Variants in SFMBT1 observed in about 807,000 individuals in gnomAD.
SFMBT1 encodes scm-like with four MBT domains protein 1.
Under a neutral mutation model 108.7 loss-of-function variants are expected in SFMBT1, and 32 were observed. That is an observed-to-expected ratio of 0.29 (90% CI 0.22 to 0.40). The LOEUF (loss-of-function observed/expected upper bound fraction) is 0.40, where lower values mean the gene tolerates loss of function less well. SFMBT1 is among the 10% of genes least tolerant of loss of function. The pLI is 1.00. For missense variants in SFMBT1, 816 were observed against 1,059.6 expected, an observed-to-expected ratio of 0.77 and a Z score of 3.19; for synonymous variants, 348 against 369.5, an observed-to-expected ratio of 0.94 and a Z score of 0.67.
chr3:52,933,465 A>C (rs919377701), intron 5 of SFMBT1, among the ~76,000 whole-genome samples: 4 of 152,210 alleles, frequency 2.6e-5, no homozygotes, highest in Non-Finnish European at 5.9e-5. Flanking sequence ...ACACAACCTT[A>C]CATTTTTTTC....
chr3:53,031,694 C>T (rs1463685722), intron 1 of SFMBT1, among the ~76,000 whole-genome samples: 1 of 151,838 alleles, frequency 6.6e-6, no homozygotes, highest in Non-Finnish European at 1.5e-5. Context: ...ACATATTTGC[C>T]AGGTGCTCAG....
At chr3:53,029,830 C>T (rs1699621628) in intron 1 of SFMBT1, among the ~76,000 whole-genome samples, 1 of 151,992 alleles carries the variant, frequency 6.6e-6, no homozygotes, top group Non-Finnish European at 1.5e-5. Context: ...TGGTAGAAGG[C>T]CTCTCCACGA....
intron 1 of SFMBT1, among the ~76,000 whole-genome samples, chr3:53,018,715 A>G (rs1234352327): frequency 6.6e-6 from 1 of 152,332 alleles, no homozygotes; most frequent in East Asian, 1.9e-4. Flanking sequence ...CAGGTCACCA[A>G]TGACCTTCCA....
chr3:52,992,695 C>T (rs2106898570), intron 1 of SFMBT1, among the ~76,000 whole-genome samples: 1 of 152,298 alleles, frequency 6.6e-6, no homozygotes, highest in Middle Eastern at 3.4e-3. Flanking sequence ...GAAGGAAAAA[C>T]TAAGGGAAAT....
intron 10 of SFMBT1, among the ~76,000 whole-genome samples, chr3:52,923,587 C>T (rs1702577388): frequency 6.7e-6 from 1 of 150,216 alleles, no homozygotes; most frequent in Non-Finnish European, 1.5e-5. Context: ...AAAGAACAAA[C>T]GAACGAACTA....
chr3:52,916,582 T>C lies in SFMBT1; in HGVS notation c.1416-368A>G, dbSNP rs1284071522. On this transcript the variant is annotated intron_variant, in intron 13 of 20. Transcript: ENST00000394752. The stretch of plus-strand genomic sequence containing the variant: ...TACTAAGGAGGCTGAGGGAGGAGAA[T>C]GGCGTGAACCCAGGAGGCAGAGCTT... Among the ~76,000 whole-genome samples the C allele has an allele frequency of 2.6e-5, 4 of 151,378 alleles. No individual in the cohort carries two copies. The East Asian group carries it at 7.8e-4, about 29-fold the overall frequency.
chr3:53,006,889 G>A (rs1698763178), intron 1 of SFMBT1, among the ~76,000 whole-genome samples: 1 of 152,210 alleles, frequency 6.6e-6, no homozygotes, highest in South Asian at 2.1e-4. Flanking sequence ...GTGAGGAATT[G>A]CTGCTCCGGG....
chr3:53,013,600 TTATTTA>T (rs1165867871), intron 1 of SFMBT1, among the ~76,000 whole-genome samples: 1 of 149,376 alleles, frequency 6.7e-6, no homozygotes, highest in African/African-American at 2.5e-5. Context: ...GGAACACAGT[TTATTTA>T]TAAAGAATCT....
intron 1 of SFMBT1, among the ~76,000 whole-genome samples, chr3:53,001,929 A>T (rs199685588): frequency 0.12 from 8,755 of 74,920 alleles, 809 homozygotes; most frequent in East Asian, 0.24. Flanking sequence ...AGTCTCTCAC[A>T]CACACACACA....
At chr3:52,977,648 G>A (rs1006092113) in intron 1 of SFMBT1, among the ~76,000 whole-genome samples, 11 of 152,174 alleles carry the variant, frequency 7.2e-5, no homozygotes, top group Non-Finnish European at 1.6e-4. Context: ...GATGAAATAA[G>A]CTTTGGATTT....
chr3:52,925,792 C>T (rs569918664), intron 10 of SFMBT1, among the ~76,000 whole-genome samples: 15 of 152,276 alleles, frequency 9.9e-5, no homozygotes, highest in Admixed American at 5.2e-4. Flanking sequence ...TTCAAATTCA[C>T]GATTTCAGCT....
chr3:53,034,891 A>T (rs1035688192), intron 1 of SFMBT1, among the ~76,000 whole-genome samples: 2 of 152,214 alleles, frequency 1.3e-5, no homozygotes, highest in African/African-American at 4.8e-5. Context: ...ATGAGCCAAG[A>T]TCGAGCCACT....
chr3:53,041,873 C>G (rs1340342706), intron 1 of SFMBT1, among the ~76,000 whole-genome samples: 1 of 152,154 alleles, frequency 6.6e-6, no homozygotes, highest in East Asian at 1.9e-4. Flanking sequence ...TATGTATATA[C>G]AGAAATATTA....
chr3:53,032,476 G>A (rs1699719904), intron 1 of SFMBT1, among the ~76,000 whole-genome samples: 1 of 152,202 alleles, frequency 6.6e-6, no homozygotes, highest in South Asian at 2.1e-4. Context: ...AAGAAACAAA[G>A]TATTGTAGGC....
chr3:52,966,040 C>T (rs1435591571), intron 2 of SFMBT1, among the ~76,000 whole-genome samples: 2 of 129,994 alleles, frequency 1.5e-5, no homozygotes, highest in Non-Finnish European at 3.2e-5. Flanking sequence ...GGACTAAAGC[C>T]GGCGCGGTGG....
intron 3 of SFMBT1, among the ~76,000 whole-genome samples, chr3:52,949,684 T>A (rs560907635): frequency 4.1e-4 from 61 of 148,960 alleles, no homozygotes; most frequent in African/African-American, 1.4e-3. Context: ...ATTCAAGCGA[T>A]TCTCCTGCCT....
intron 8 of SFMBT1, among the ~76,000 whole-genome samples, chr3:52,928,981 A>C (rs905690268): frequency 6.6e-6 from 1 of 152,000 alleles, no homozygotes; most frequent in Non-Finnish European, 1.5e-5. Flanking sequence ...CTGGGATTAC[A>C]TGCATGAGCC....
intron 1 of SFMBT1, among the ~76,000 whole-genome samples, chr3:53,004,414 A>G (rs1196219101): frequency 6.7e-6 from 1 of 149,656 alleles, no homozygotes; most frequent in Non-Finnish European, 1.5e-5. Flanking sequence ...CTGGAACTAC[A>G]GGCATGTGCT....
In SFMBT1 at chr3:52,912,563, C is replaced by T. The variant is rs377570378; in HGVS notation, c.1705G>A (p.Gly569Arg). 4.3e-6 allele frequency: 7 copies of T among 1,614,068 alleles called. No homozygotes were observed. The highest frequency in any genetic ancestry group is 2.2e-5 in the East Asian group (1 of 44,880). Residue 569 changes from glycine to arginine, a missense_variant, in exon 16 of 21, where the codon GGA (glycine) becomes AGA (arginine). Physicochemically the swap from Gly to Arg is moderately radical, Grantham distance 125 (BLOSUM62 -2). Coordinates refer to ENST00000394752, the MANE Select transcript of SFMBT1 (RefSeq NM_016329.4). ...LQLDKDSVWHGCGEVLKAKYK... is the reference protein window; with the variant it reads ...LQLDKDSVWHRCGEVLKAKYK... The stretch of plus-strand genomic sequence containing the variant: ...TTGGCTTTTAGGACTTCCCCACATC[C>T]GTGCCACACAGAGTCTTTGTCCAGC...
Sources: allele counts gnomAD v4.1 joint callset (sites outside exome capture counted in the v4.1 genomes callset), GRCh38; gene constraint gnomAD v4.1.1; transcripts MANE v1.5; gene names NCBI Gene and HGNC (gene_info 2026-07-23, HGNC 2026-07-21).